The following INTS15 variants were observed in gnomAD, a reference collection of about 807,000 sequenced individuals.
INTS15 encodes the protein uncharacterized protein C7orf26.
At chr7:6,607,284 G>A in the INTS15 span, among the ~76,000 whole-genome samples, 1 of 152,110 alleles carries the variant, frequency 6.6e-6, no homozygotes, top group Non-Finnish European at 1.5e-5. The surrounding 1 kb of genome is among the most constrained non-coding windows in gnomAD (Gnocchi z 6.0). Flanking sequence ...CCACCAGGAC[G>A]GGAGGTCCAG....
chr7:6,594,418 GTGTGGC>G, the INTS15 span: 2 of 1,613,868 alleles, frequency 1.2e-6, no homozygotes, highest in Non-Finnish European at 1.7e-6. Flanking sequence ...TAAGTGGACT[GTGTGGC>G]TTCTTTCCAG....
chr7:6,590,570 C>A, the INTS15 span: 1 of 1,398,930 alleles, frequency 7.1e-7, no homozygotes, highest in Non-Finnish European at 9.3e-7. Flanking sequence ...GCGGGCGCCC[C>A]ATGTCCAGGA....
the INTS15 span, chr7:6,599,715 C>T: frequency 2.0e-6 from 2 of 1,018,324 alleles, no homozygotes; most frequent in African/African-American, 1.6e-5. Flanking sequence ...AGGCGTGATC[C>T]AGACCATCAG....
chr7:6,591,352 C>T, the INTS15 span, among the ~76,000 whole-genome samples: 648 of 151,418 alleles, frequency 4.3e-3, 5 homozygotes, highest in African/African-American at 0.014. Flanking sequence ...CTGCAACCTC[C>T]GCCTCCCAGG....
At chr7:6,602,561 C>G in the INTS15 span, 16 of 417,684 alleles carry the variant, frequency 3.8e-5, no homozygotes, top group African/African-American at 3.3e-4. Context: ...GGGCGCGGCC[C>G]TGTCTGGGAT....
At chr7:6,602,566 T>C in the INTS15 span, 1 of 422,364 alleles carries the variant, frequency 2.4e-6, no homozygotes. Flanking sequence ...CGGCCCTGTC[T>C]GGGATTGGCT....
the INTS15 span, chr7:6,590,216 A>G: frequency 1.3e-4 from 172 of 1,301,766 alleles, 1 homozygote; most frequent in Non-Finnish European, 1.7e-4. Context: ...TTCCACGGGT[A>G]GCGGCGCAGT....
the INTS15 span, among the ~76,000 whole-genome samples, chr7:6,596,968 T>C: frequency 6.6e-6 from 1 of 151,908 alleles, no homozygotes; most frequent in Non-Finnish European, 1.5e-5. Context: ...TTAGTAGAGA[T>C]GGGGTTTCAC....
the INTS15 span, chr7:6,594,703 G>A: frequency 9.2e-7 from 1 of 1,090,214 alleles, no homozygotes; most frequent in Non-Finnish European, 1.3e-6. Context: ...TGCTTTGGCT[G>A]TTTTGTCTCT....
At chr7:6,594,642 C>T in the INTS15 span, 112 of 1,590,240 alleles carry the variant, frequency 7.0e-5, no homozygotes, top group East Asian at 2.4e-3. Context: ...AAGCTTCAGT[C>T]AATGGCTAGT....
At chr7:6,596,435 G>A in the INTS15 span, among the ~76,000 whole-genome samples, 1 of 142,106 alleles carries the variant, frequency 7.0e-6, no homozygotes, top group Non-Finnish European at 1.5e-5. Flanking sequence ...CTGGAGTGCA[G>A]TGGCATGATC....
chr7:6,601,903 C>T, the INTS15 span, among the ~76,000 whole-genome samples: 4 of 152,012 alleles, frequency 2.6e-5, no homozygotes, highest in African/African-American at 7.2e-5. Flanking sequence ...GTGATCCACC[C>T]GCCTCAGCCT....
the INTS15 span, among the ~76,000 whole-genome samples, chr7:6,598,508 C>T: frequency 2.7e-5 from 4 of 150,516 alleles, no homozygotes; most frequent in East Asian, 5.8e-4. Context: ...AGCAGCTGCT[C>T]CCCGCTGTAG....
the INTS15 span, chr7:6,607,623 G>C: frequency 1.4e-6 from 2 of 1,444,220 alleles, no homozygotes; most frequent in South Asian, 2.4e-5. The surrounding 1 kb of genome is among the most constrained non-coding windows in gnomAD (Gnocchi z 6.0). Context: ...TCTCGGCTCT[G>C]AGGAGACTGT....
chr7:6,602,046 A>AT, the INTS15 span: 16 of 1,496,586 alleles, frequency 1.1e-5, no homozygotes, highest in Non-Finnish European at 1.5e-5. Flanking sequence ...GTCAGTGTGT[A>AT]TTTCACCGTG....
At chr7:6,599,244 G>A in the INTS15 span, among the ~76,000 whole-genome samples, 4 of 152,176 alleles carry the variant, frequency 2.6e-5, no homozygotes, top group Admixed American at 6.6e-5. Context: ...CAGACTAAGT[G>A]TCACCATCTG....
the INTS15 span, among the ~76,000 whole-genome samples, chr7:6,592,607 T>G: frequency 6.6e-6 from 1 of 151,884 alleles, no homozygotes; most frequent in South Asian, 2.1e-4. Flanking sequence ...GTGTTTTTTT[T>G]TCTTTTTCTT....
the INTS15 span, chr7:6,590,143 A>AGGC: frequency 1.6e-6 from 1 of 629,720 alleles, no homozygotes; most frequent in Non-Finnish European, 2.3e-6. Flanking sequence ...GGCAGGGAGC[A>AGGC]GGCGGCGGCA....
chr7:6,594,683 G>C, the INTS15 span: 7 of 1,317,660 alleles, frequency 5.3e-6, no homozygotes, highest in Admixed American at 1.4e-4. Context: ...CAGGTGAAGT[G>C]TCCAGTGAAT....
Sources: gnomAD v4.1 joint callset for allele counts (sites outside exome capture counted in the v4.1 genomes callset) on GRCh38, gnomAD v4.1.1 for gene constraint, Gnocchi (gnomAD v3.1) non-coding constraint, MANE v1.5 for transcripts, NCBI Gene and HGNC (gene_info 2026-07-23, HGNC 2026-07-21) for gene names.